PDE11A: variants seen among roughly 807,000 people sequenced by gnomAD.
The protein encoded by PDE11A is dual 3',5'-cyclic-AMP and -GMP phosphodiesterase 11A.
Under a neutral mutation model 100.5 loss-of-function variants are expected in PDE11A, and 100 were observed. That is an observed-to-expected ratio of 1.00 (90% CI 0.85 to 1.18). The LOEUF (loss-of-function observed/expected upper bound fraction) is 1.18, where lower values mean the gene tolerates loss of function less well. Among genes scored for constraint, PDE11A ranks in the 50% most tolerant of loss-of-function variants. The probability of loss-of-function intolerance (pLI) is 0.00; values close to 1 mark genes in which losing one functional copy is unlikely to be tolerated. For missense variants in PDE11A, 1,141 were observed against 1,152.6 expected (o/e 0.99, Z 0.15); for synonymous variants, 381 against 420.8 (o/e 0.91, Z 1.16).
chr2:178,070,910 C>T (rs1038544147), intron 1 of PDE11A, among the ~76,000 whole-genome samples: 1 of 152,154 alleles, frequency 6.6e-6, no homozygotes, highest in African/African-American at 2.4e-5. Flanking sequence ...ATCTTAATAA[C>T]AGAAACAGTT....
intron 2 of PDE11A, among the ~76,000 whole-genome samples, chr2:177,984,134 T>C (rs1195319469): frequency 6.6e-6 from 1 of 152,206 alleles, no homozygotes; most frequent in Non-Finnish European, 1.5e-5. Flanking sequence ...GTGGTTTATA[T>C]AAAAATTTGA....
intron 9 of PDE11A, among the ~76,000 whole-genome samples, chr2:177,776,379 G>A (rs1283280495): frequency 2.0e-5 from 3 of 152,092 alleles, no homozygotes; most frequent in African/African-American, 4.8e-5. Context: ...TCCGGAAAAC[G>A]CTAAGCTACA....
At chr2:177,793,718 G>A (rs958370299) in intron 9 of PDE11A, among the ~76,000 whole-genome samples, 3 of 152,044 alleles carry the variant, frequency 2.0e-5, no homozygotes, top group Non-Finnish European at 2.9e-5. Flanking sequence ...AAACAAGGAA[G>A]GCTGCTTCCC....
At chr2:177,885,599 G>C (rs2084418215) in intron 4 of PDE11A, among the ~76,000 whole-genome samples, 1 of 152,084 alleles carries the variant, frequency 6.6e-6, no homozygotes, top group Non-Finnish European at 1.5e-5. Context: ...TTCTTTATAG[G>C]GAGAAGGAAA....
At chr2:177,635,344 C>T (rs888566137) in intron 19 of PDE11A, among the ~76,000 whole-genome samples, 1 of 152,130 alleles carries the variant, frequency 6.6e-6, no homozygotes, top group African/African-American at 2.4e-5. Flanking sequence ...GTGCTTCTCC[C>T]TTGGGGCAAC....
At chr2:177,893,177 C>T (rs1308075096) in intron 4 of PDE11A, among the ~76,000 whole-genome samples, 2 of 152,194 alleles carry the variant, frequency 1.3e-5, no homozygotes, top group Admixed American at 1.3e-4. Flanking sequence ...TTCATCTATT[C>T]TCTTTTCATT....
intron 2 of PDE11A, among the ~76,000 whole-genome samples, chr2:177,950,103 G>A (rs2085488807): frequency 6.6e-6 from 1 of 152,154 alleles, no homozygotes; most frequent in South Asian, 2.1e-4. Context: ...CGTTTCAACA[G>A]CTACTTTCTT....
At chr2:177,634,695 T>A (rs1237370708) in intron 19 of PDE11A, among the ~76,000 whole-genome samples, 1 of 152,182 alleles carries the variant, frequency 6.6e-6, no homozygotes, top group Non-Finnish European at 1.5e-5. Context: ...GCCGACTTAT[T>A]CTTACACTCT....
intron 9 of PDE11A, among the ~76,000 whole-genome samples, chr2:177,771,321 G>A (rs553178666): frequency 1.3e-5 from 2 of 152,260 alleles, no homozygotes; most frequent in South Asian, 4.1e-4. Context: ...CATTAAACTG[G>A]TAACATTCAA....
At position 178,072,357 on chromosome 2, in the gene PDE11A, C is replaced by T. The variant is rs865997123; in HGVS notation, c.81G>A (p.Met27Ile). The T allele has an allele frequency of 5.6e-6, 9 of 1,613,912 alleles. No homozygotes were observed. The highest frequency in any genetic ancestry group is 5.3e-5 in the African/African-American group (4 of 74,948). ...RHPELFEDYL[M>I]RKGKQEMVEK... ...CAACCATCTCCTGCTTCCCCTTCCG[C>T]ATCAAGTAATCTTCAAACAACTCTG... Residue 27 changes from methionine (M) to isoleucine (I), a missense_variant, in exon 1 of 20, where the codon ATG becomes ATA. Physicochemically the swap from Met to Ile is conservative, Grantham distance 10. Transcript: ENST00000286063.
At chr2:178,018,563 G>A (rs554473101) in intron 1 of PDE11A, 2 of 356,894 alleles carry the variant, frequency 5.6e-6, no homozygotes, top group African/African-American at 4.3e-5. Context: ...ACAATAAAAA[G>A]GAAGTAACAG....
At chr2:177,955,218 G>A (rs2085547363) in intron 2 of PDE11A, among the ~76,000 whole-genome samples, 1 of 152,060 alleles carries the variant, frequency 6.6e-6, no homozygotes, top group African/African-American at 2.4e-5. Flanking sequence ...GAAGCATGGT[G>A]GTATTTATGG....
chr2:177,757,941 T>G lies in PDE11A; in HGVS notation c.1788+11382A>C, dbSNP rs1178249014. Among the ~76,000 whole-genome samples, 6 of 152,204 alleles carry G rather than the reference T, an allele frequency of 3.9e-5. No homozygotes were observed. The South Asian group carries it at 1.0e-3, about 26-fold the overall frequency. On this transcript the variant is annotated intron_variant, in intron 10 of 19. Coordinates refer to ENST00000286063, the MANE Select transcript of PDE11A (RefSeq NM_016953.4). ...CTAATTCCTTTTAGTCTCAATGAAA[T>G]GCTTTAGGCCCTGGATGGAAACATC... is the stretch of plus-strand genomic sequence containing the variant.
At chr2:178,021,396 G>T (rs535886777) in intron 1 of PDE11A, among the ~76,000 whole-genome samples, 6 of 152,270 alleles carry the variant, frequency 3.9e-5, no homozygotes, top group Non-Finnish European at 8.8e-5. Flanking sequence ...TCTAATGGGA[G>T]ATCAGAATCG....
Position 177,891,444 on chromosome 2 carries a change from G to GA in PDE11A, c.1302+6613dup, listed in dbSNP as rs1228667258. Among the ~76,000 whole-genome samples, 7 of 152,306 alleles carry GA rather than the reference G, an allele frequency of 4.6e-5. No homozygotes were observed. In the East Asian group the frequency reaches 9.6e-4, roughly 21 times the overall value. ...TTCAAGCTTTACCAATCTGATGGCT[G>GA]AAAAAATCATAGAGCTGTTTGAAAG... On this transcript the variant is annotated intron_variant, in intron 4 of 19. Transcript: ENST00000286063.
chr2:177,648,623 A>C (rs1373010357), intron 19 of PDE11A, among the ~76,000 whole-genome samples: 1 of 152,158 alleles, frequency 6.6e-6, no homozygotes, highest in African/African-American at 2.4e-5. Flanking sequence ...AAGAATAATA[A>C]GGAAGGTGAA....
intron 1 of PDE11A, among the ~76,000 whole-genome samples, chr2:178,051,467 G>C (rs933629185): frequency 1.3e-4 from 20 of 152,252 alleles, no homozygotes; most frequent in African/African-American, 4.8e-4. Flanking sequence ...AAAATAACCA[G>C]CTAACATCAT....
At chr2:177,814,282 A>AAC in intron 9 of PDE11A, among the ~76,000 whole-genome samples, 1 of 119,264 alleles carries the variant, frequency 8.4e-6, no homozygotes, top group African/African-American at 4.4e-5. Context: ...TAAATTTAAA[A>AAC]ATATATATTC....
chr2:177,680,310 G>GC (rs2080843802), intron 16 of PDE11A, among the ~76,000 whole-genome samples: 1 of 152,106 alleles, frequency 6.6e-6, no homozygotes, highest in African/African-American at 2.4e-5. Flanking sequence ...GCTAAAATTT[G>GC]CCCCATAAAC....
Sources: gnomAD v4.1 joint callset for allele counts (sites outside exome capture counted in the v4.1 genomes callset) on GRCh38, gnomAD v4.1.1 for gene constraint, MANE v1.5 for transcripts, NCBI Gene and HGNC (gene_info 2026-07-23, HGNC 2026-07-21) for gene names.